Variants in NUMB observed in about 807,000 individuals in gnomAD.
NUMB encodes the protein NUMB endocytic adaptor protein.
In NUMB, 29 loss-of-function variants were observed where a neutral mutation model predicts 59.7. The ratio of observed to expected loss-of-function variants is 0.49; its 90% CI spans 0.36 to 0.66. The LOEUF is 0.66. Among genes scored for constraint, NUMB ranks in the 30% least tolerant of loss-of-function variants. The pLI is 0.00. For synonymous variants in NUMB, 288 were observed against 288.2 expected, an observed-to-expected ratio of 1.00 and a Z score of 0.01; for missense variants, 723 against 822.0, an observed-to-expected ratio of 0.88 and a Z score of 1.47.
At chr14:73,334,302 T>A (rs953311920) in intron 4 of NUMB, among the ~76,000 whole-genome samples, 1 of 152,216 alleles carries the variant, frequency 6.6e-6, no homozygotes, top group Non-Finnish European at 1.5e-5. Flanking sequence ...TACTTTTTCA[T>A]GTATATTCAT....
At chr14:73,324,947 C>T (rs979502495) in intron 4 of NUMB, among the ~76,000 whole-genome samples, 1 of 152,182 alleles carries the variant, frequency 6.6e-6, no homozygotes, top group Non-Finnish European at 1.5e-5. Flanking sequence ...TCACGCTCTA[C>T]TACCCACTTT....
chr14:73,404,075 T>C (rs1240860560), intron 2 of NUMB, among the ~76,000 whole-genome samples: 1 of 124,412 alleles, frequency 8.0e-6, no homozygotes, highest in Non-Finnish European at 1.7e-5. Context: ...AGACTCCGTC[T>C]GAAAAAAAAA....
intron 1 of NUMB, among the ~76,000 whole-genome samples, chr14:73,430,073 C>A (rs1223028213): frequency 6.6e-6 from 1 of 151,700 alleles, no homozygotes; most frequent in Non-Finnish European, 1.5e-5. Context: ...AGGAGTGAAA[C>A]TGTGGACCAT....
chr14:73,314,443 G>A (rs1476642898), intron 6 of NUMB, among the ~76,000 whole-genome samples: 1 of 138,462 alleles, frequency 7.2e-6, no homozygotes, highest in African/African-American at 2.6e-5. Flanking sequence ...TCATCATGTA[G>A]CAAAAAAAAA....
intron 2 of NUMB, among the ~76,000 whole-genome samples, chr14:73,382,855 T>C (rs903149752): frequency 7.2e-5 from 11 of 152,010 alleles, no homozygotes; most frequent in African/African-American, 2.7e-4. Flanking sequence ...TAGGAAAAGA[T>C]CAAATAGGAG....
chr14:73,371,460 G>A (rs770240993), intron 2 of NUMB, among the ~76,000 whole-genome samples: 10 of 151,962 alleles, frequency 6.6e-5, no homozygotes, highest in Non-Finnish European at 1.0e-4. Flanking sequence ...ACTTAAACCC[G>A]GGAGGTGGAG....
At chr14:73,430,019 G>A (rs1310369143) in intron 1 of NUMB, among the ~76,000 whole-genome samples, 1 of 151,802 alleles carries the variant, frequency 6.6e-6, no homozygotes, top group East Asian at 1.9e-4. Flanking sequence ...TTTACATACA[G>A]GTTTTTGTGT....
intron 4 of NUMB, among the ~76,000 whole-genome samples, chr14:73,346,118 G>A (rs2139990509): frequency 6.6e-6 from 1 of 152,160 alleles, no homozygotes; most frequent in South Asian, 2.1e-4. Context: ...ACTTTGAGAA[G>A]CACTAGATTA....
intron 7 of NUMB, 99 bp downstream of exon 7, chr14:73,297,112 G>T: frequency 1.4e-6 from 1 of 725,108 alleles, no homozygotes; most frequent in Non-Finnish European, 2.3e-6. Flanking sequence ...GGTTGCGGTG[G>T]GCCGAGATCG....
chr14:73,280,213 T>A (rs894794394), intron 11 of NUMB, among the ~76,000 whole-genome samples: 1 of 152,168 alleles, frequency 6.6e-6, no homozygotes, highest in Non-Finnish European at 1.5e-5. Context: ...TATATATGAT[T>A]CGTTATTATG....
In NUMB at chr14:73,350,074, TACATACACACAC is replaced by T. The variant is rs200842327; in HGVS notation, c.126+5540_126+5551del. Among the ~76,000 whole-genome samples the T allele has an allele frequency of 6.7e-3, 880 of 131,138 alleles. 5 individuals carry two copies. Among genetic ancestry groups the T allele is most frequent in the South Asian group, 0.033 (129 of 3,870 alleles). The allele number at this position is 131,138 out of a possible 152,430, so 86.0% of individuals were successfully genotyped here. Reference sequence around the variant, plus strand: ...ATACATACATATATACATACATACATACATACACACACACACACACACACACACACACACTGA... The same window carrying T: ...ATACATACATATATACATACATACATACACACACACACACACACACACTGA... On this transcript the variant is annotated intron_variant, in intron 4 of 12. Coordinates refer to ENST00000555238, the MANE Select transcript of NUMB (RefSeq NM_001005743.2).
intron 2 of NUMB, among the ~76,000 whole-genome samples, chr14:73,372,365 T>TTA (rs34052943): frequency 0.14 from 17,557 of 122,852 alleles, 1,888 homozygotes; most frequent in Non-Finnish European, 0.21. Context: ...ATATAACCTT[T>TTA]TATATATATA....
intron 2 of NUMB, among the ~76,000 whole-genome samples, chr14:73,384,468 C>G (rs976201052): frequency 6.6e-6 from 1 of 152,102 alleles, no homozygotes; most frequent in African/African-American, 2.4e-5. Context: ...AAGAAAAGTG[C>G]AGTCTATGAA....
intron 4 of NUMB, among the ~76,000 whole-genome samples, chr14:73,342,304 A>G (rs1173050357): frequency 1.3e-5 from 2 of 152,236 alleles, no homozygotes; most frequent in Non-Finnish European, 2.9e-5. Flanking sequence ...AACCAACTGT[A>G]ACCTTACTTG....
At chr14:73,407,395 T>C (rs1279085925) in intron 2 of NUMB, among the ~76,000 whole-genome samples, 3 of 152,116 alleles carry the variant, frequency 2.0e-5, no homozygotes, top group Admixed American at 2.0e-4. Context: ...GAGGTTGTAG[T>C]GCTAACTGCA....
intron 1 of NUMB, among the ~76,000 whole-genome samples, chr14:73,443,324 A>G (rs1388881975): frequency 6.6e-6 from 1 of 152,188 alleles, no homozygotes; most frequent in Non-Finnish European, 1.5e-5. Context: ...GGATGGGTAC[A>G]GTGGCTCACG....
At chr14:73,287,378 C>A (rs1889087800) in intron 8 of NUMB, 64 bp from the exon 9 acceptor site, 2 of 1,364,580 alleles carry the variant, frequency 1.5e-6, no homozygotes, top group East Asian at 5.0e-5. Flanking sequence ...ACAAATAAGT[C>A]TTTTGTTTTG....
chr14:73,385,495 CCTTTTTTT>C (rs1179682012), intron 2 of NUMB, among the ~76,000 whole-genome samples: 1 of 67,546 alleles, frequency 1.5e-5, no homozygotes, highest in Non-Finnish European at 2.8e-5. Context: ...TGGCTAGTGG[CCTTTTTTT>C]TTTTTTTTTT....
intron 3 of NUMB, among the ~76,000 whole-genome samples, 153 bp downstream of exon 3, chr14:73,366,744 T>C (rs900387779): frequency 2.0e-5 from 3 of 152,224 alleles, no homozygotes; most frequent in Non-Finnish European, 4.4e-5. Flanking sequence ...GAAATTATTA[T>C]AAAGGACAAA....
Sources: allele counts gnomAD v4.1 joint callset (sites outside exome capture counted in the v4.1 genomes callset), GRCh38; gene constraint gnomAD v4.1.1; transcripts MANE v1.5; gene names NCBI Gene and HGNC (gene_info 2026-07-23, HGNC 2026-07-21).